PSD3: variants seen among roughly 807,000 people sequenced by gnomAD.
PSD3 encodes the protein PH and SEC7 domain-containing protein 3.
A neutral mutation model predicts 105.5 loss-of-function variants in PSD3; 49 were observed. The observed-to-expected ratio is 0.46, with a 90% CI of 0.37 to 0.59. The LOEUF (loss-of-function observed/expected upper bound fraction) is 0.59. Ranked by LOEUF, PSD3 falls within the 20% of genes least tolerant of loss-of-function variation. The pLI, the probability that PSD3 is intolerant of heterozygous loss-of-function variation, is 0.00. For missense variants in PSD3, 1,561 were observed against 1,263.8 expected, an observed-to-expected ratio of 1.24 and a Z score of -3.57; for synonymous variants, 557 against 457.8, an observed-to-expected ratio of 1.22 and a Z score of -2.77.
At chr8:18,900,206 A>G (rs1819414665) in intron 2 of PSD3, among the ~76,000 whole-genome samples, 1 of 152,108 alleles carries the variant, frequency 6.6e-6, no homozygotes, top group African/African-American at 2.4e-5. Context: ...GTTTAGATCT[A>G]ACACCTTCCT....
chr8:18,865,265 TA>T (rs1816804710), intron 4 of PSD3: 219 of 7,654 alleles, frequency 0.029, 40 homozygotes, highest in Non-Finnish European at 0.035. Context: ...TATATATATA[TA>T]TATATATATA....
intron 14 of PSD3, among the ~76,000 whole-genome samples, chr8:18,567,124 G>A (rs1260591434): frequency 6.6e-6 from 1 of 152,166 alleles, no homozygotes; most frequent in South Asian, 2.1e-4. Context: ...TGAATGACAT[G>A]CTTATTATCA....
chr8:18,925,322 G>A (rs1821292359), intron 2 of PSD3, among the ~76,000 whole-genome samples: 1 of 152,000 alleles, frequency 6.6e-6, no homozygotes, highest in African/African-American at 2.4e-5. Context: ...TTGAGCCCAG[G>A]AGTTCAAGGC....
rs971752548 is a variant in PSD3 at position 19,081,422 on chromosome 8, A to G, written c.324+2784T>C. 3.9e-5 allele frequency among the ~76,000 whole-genome samples: 6 copies of G among 152,354 alleles called. No individual in the cohort carries two copies. In the South Asian group the frequency reaches 1.0e-3, roughly 26 times the overall value. On this transcript the variant is annotated intron_variant, in intron 1 of 1. Coordinates refer to the PSD3 transcript ENST00000521475. ...CTGGAAAGACAGTGAAAGAAGGCAG[A>G]CAGAGCCCTGGACTGGGGGTAGACA...
In PSD3 at chr8:18,736,560, C is replaced by T. The variant is rs144809641; in HGVS notation, c.2172+28889G>A. Among the ~76,000 whole-genome samples, 8 of 152,264 alleles carry T rather than the reference C, an allele frequency of 5.3e-5. No homozygotes were observed. The East Asian group carries it at 9.7e-4, about 18-fold the overall frequency. ...AGTAAGAGTTTGAGAAGGGAATAAT[C>T]ACCCAAAATCCCCAAGTTCCCTCCT... is the stretch of plus-strand genomic sequence containing the variant. On this transcript the variant is annotated intron_variant, in intron 9 of 15. Transcript: ENST00000327040.
chr8:18,830,150 C>T (rs1436382840), intron 4 of PSD3, among the ~76,000 whole-genome samples: 1 of 152,108 alleles, frequency 6.6e-6, no homozygotes, highest in African/African-American at 2.4e-5. Context: ...CCATGTTGGT[C>T]AGGCTGGTCT....
intron 12 of PSD3, among the ~76,000 whole-genome samples, chr8:18,576,264 C>T (rs1177912461): frequency 6.6e-6 from 1 of 152,078 alleles, no homozygotes; most frequent in East Asian, 1.9e-4. Flanking sequence ...AAGGTTTTCC[C>T]TCTACAATAT....
At chr8:18,626,466 G>A (rs1167920689) in intron 11 of PSD3, among the ~76,000 whole-genome samples, 1 of 152,076 alleles carries the variant, frequency 6.6e-6, no homozygotes, top group Non-Finnish European at 1.5e-5. Context: ...CTTAATCAAA[G>A]TAAGTATTTA....
At chr8:18,986,879 C>A (rs1161335034) in intron 1 of PSD3, among the ~76,000 whole-genome samples, 1 of 152,144 alleles carries the variant, frequency 6.6e-6, no homozygotes, top group South Asian at 2.1e-4. Context: ...AATCAACTCA[C>A]TTTTCTGGAC....
Position 18,655,674 on chromosome 8 carries a change from G to C in PSD3, c.2184C>G (p.Asn728Lys). The change falls in exon 10 of 16, where the codon AAC becomes AAG. Residue 728 changes from asparagine to lysine, a missense_variant. Physicochemically the swap from Asn to Lys is moderately conservative, Grantham distance 94. Transcript: ENST00000327040. The part of the protein sequence containing the change: ...FSKDLLKALY[N>K]SIKNEKLEWA... Reference sequence around the variant, plus strand: ...ATTCAAGCTTCTCATTCTTGATTGAGTTGTACAGAGCCTGTAAAGAGAGAA... The same window carrying C: ...ATTCAAGCTTCTCATTCTTGATTGACTTGTACAGAGCCTGTAAAGAGAGAA... 6.2e-7 allele frequency: 1 copy of C among 1,613,674 alleles called. No individual in the cohort carries two copies. Among genetic ancestry groups the C allele is most frequent in the East Asian group, 2.2e-5 (1 of 44,870 alleles).
Position 19,013,587 on chromosome 8 carries a change from C to T in PSD3, c.-4G>A. 2.0e-6 allele frequency: 3 copies of T among 1,505,288 alleles called. No individual in the cohort carries two copies. The highest frequency in any genetic ancestry group is 2.6e-6 in the Non-Finnish European group (3 of 1,135,474). 93.2% of individuals were successfully genotyped at this position (1,505,288 alleles called of 1,614,324 possible). ...CCGCTGCGCTCCTTCCTTCCATCTT[C>T]CATCGCCAGCCCGGCCGCGCGCCGA... On this transcript the variant is annotated 5_prime_UTR_variant, in exon 1 of 16. Coordinates refer to ENST00000327040, the MANE Select transcript of PSD3 (RefSeq NM_015310.4).
At chr8:18,689,988 T>A (rs1164247448) in intron 9 of PSD3, among the ~76,000 whole-genome samples, 2 of 152,188 alleles carry the variant, frequency 1.3e-5, no homozygotes, top group Admixed American at 6.5e-5. Context: ...TAATTACCAA[T>A]ATTGAGGTTT....
chr8:19,078,733 G>T (rs548872244), intron 1 of PSD3, among the ~76,000 whole-genome samples: 1 of 152,058 alleles, frequency 6.6e-6, no homozygotes, highest in Admixed American at 6.5e-5. Flanking sequence ...TCCCAGGGAT[G>T]CAGGCCTAAG....
chr8:19,038,263 C>T (rs1347299005), intron 1 of PSD3, among the ~76,000 whole-genome samples: 1 of 152,084 alleles, frequency 6.6e-6, no homozygotes, highest in Non-Finnish European at 1.5e-5. Context: ...TCCTCTCATC[C>T]CCATAATCTG....
chr8:18,561,992 G>C (rs955143329), intron 14 of PSD3, among the ~76,000 whole-genome samples: 1 of 152,194 alleles, frequency 6.6e-6, no homozygotes, highest in Non-Finnish European at 1.5e-5. Flanking sequence ...TGGAGAGAAG[G>C]ATGAGAGAGA....
intron 9 of PSD3, among the ~76,000 whole-genome samples, chr8:18,666,717 T>G (rs1336072198): frequency 7.0e-6 from 1 of 142,080 alleles, no homozygotes; most frequent in African/African-American, 2.6e-5. Flanking sequence ...TCACTATTGC[T>G]TTTTTTTGGG....
At chr8:18,759,491 A>G (rs777132817) in intron 9 of PSD3, among the ~76,000 whole-genome samples, 50 of 152,302 alleles carry the variant, frequency 3.3e-4, no homozygotes, top group Non-Finnish European at 5.0e-4. Context: ...ATAAGTTGGT[A>G]TAAAAATTTT....
chr8:18,655,763 T>G lies in PSD3; in HGVS notation c.2173-78A>C, dbSNP rs1487805081. On this transcript the variant is annotated intron_variant, in intron 9 of 15. Coordinates refer to ENST00000327040, the MANE Select transcript of PSD3 (RefSeq NM_015310.4). Reference sequence around the variant, plus strand: ...TTGAATTCAGCAAATGACCAAGTAATTCCTTCATAAAAGGATAGGCACGAA... The same window carrying G: ...TTGAATTCAGCAAATGACCAAGTAAGTCCTTCATAAAAGGATAGGCACGAA... 2.9e-6 allele frequency: 4 copies of G among 1,401,420 alleles called. No individual in the cohort carries two copies. In the East Asian group the frequency reaches 9.2e-5, roughly 32 times the overall value. The allele number at this position is 1,401,420 out of a possible 1,614,324, so 86.8% of individuals were successfully genotyped here.
At chr8:18,848,059 C>G (rs1815243848) in intron 4 of PSD3, among the ~76,000 whole-genome samples, 1 of 151,904 alleles carries the variant, frequency 6.6e-6, no homozygotes, top group African/African-American at 2.4e-5. Context: ...ATCAAGAAAG[C>G]AGGTGAAAAG....
Sources: allele counts gnomAD v4.1 joint callset (sites outside exome capture counted in the v4.1 genomes callset), GRCh38; gene constraint gnomAD v4.1.1; transcripts MANE v1.5; gene names NCBI Gene and HGNC (gene_info 2026-07-23, HGNC 2026-07-21).